The following ROBO1 variants were observed in gnomAD, a reference collection of about 807,000 sequenced individuals.
ROBO1 encodes roundabout guidance receptor 1, also known as roundabout homolog 1.
A neutral mutation model predicts 195.9 loss-of-function variants in ROBO1; 149 were observed. The ratio of observed to expected loss-of-function variants is 0.76; its 90% CI spans 0.67 to 0.87. ROBO1 has a LOEUF of 0.87. Ranked by LOEUF, ROBO1 falls within the 40% of genes least tolerant of loss-of-function variation. The pLI, the probability that ROBO1 is intolerant of heterozygous loss-of-function variation, is 0.00. For synonymous variants in ROBO1, 816 were observed against 733.2 expected (o/e 1.11, Z -1.82); for missense variants, 1,933 against 2,068.3 (o/e 0.93, Z 1.27).
At chr3:78,738,404 G>A (rs1285886944) in intron 5 of ROBO1, among the ~76,000 whole-genome samples, 1 of 152,060 alleles carries the variant, frequency 6.6e-6, no homozygotes, top group Non-Finnish European at 1.5e-5. Flanking sequence ...TGGTTTATTG[G>A]TTTTGTTTTG....
chr3:79,637,866 G>A (rs1043348597), intron 1 of ROBO1, among the ~76,000 whole-genome samples: 21 of 152,240 alleles, frequency 1.4e-4, no homozygotes, highest in African/African-American at 4.8e-4. Flanking sequence ...AAATAGTCCA[G>A]TAGTCCTCTA....
intron 1 of ROBO1, among the ~76,000 whole-genome samples, chr3:79,704,159 G>A (rs1263190540): frequency 6.6e-6 from 1 of 151,868 alleles, no homozygotes; most frequent in Non-Finnish European, 1.5e-5. Context: ...CCTCCCGGAT[G>A]ATCAACATTC....
At chr3:78,681,594 A>T (rs1250900241) in intron 10 of ROBO1, among the ~76,000 whole-genome samples, 1 of 152,186 alleles carries the variant, frequency 6.6e-6, no homozygotes, top group Non-Finnish European at 1.5e-5. Flanking sequence ...TGGTGGAAAC[A>T]ACGTGCAGAA....
intron 2 of ROBO1, among the ~76,000 whole-genome samples, chr3:79,450,175 C>A (rs559029343): frequency 6.7e-6 from 1 of 150,210 alleles, no homozygotes; most frequent in African/African-American, 2.4e-5. Flanking sequence ...TCAATACAGA[C>A]CAACCTAAGC....
chr3:79,156,634 T>A (rs1457285377), intron 2 of ROBO1, among the ~76,000 whole-genome samples: 2 of 151,802 alleles, frequency 1.3e-5, no homozygotes, highest in Non-Finnish European at 1.5e-5. Context: ...TTTTGAGCAA[T>A]ACTTTAAGGG....
intron 2 of ROBO1, among the ~76,000 whole-genome samples, chr3:79,379,871 G>A (rs552715570): frequency 2.6e-5 from 4 of 152,316 alleles, no homozygotes; most frequent in African/African-American, 9.6e-5. Flanking sequence ...CACCAGGGGT[G>A]AGTTCTGTAA....
At chr3:79,565,158 T>A (rs891864329) in intron 2 of ROBO1, among the ~76,000 whole-genome samples, 59 of 152,068 alleles carry the variant, frequency 3.9e-4, no homozygotes, top group Admixed American at 8.5e-4. Flanking sequence ...TTGCTAATGG[T>A]AGAAAAAAGC....
At chr3:78,925,468 C>T (rs996320307) in intron 4 of ROBO1, among the ~76,000 whole-genome samples, 19 of 151,996 alleles carry the variant, frequency 1.3e-4, no homozygotes, top group African/African-American at 4.1e-4. Flanking sequence ...GGCATAAGGC[C>T]GAGCAGGTAT....
chr3:78,736,898 G>A (rs530384722), intron 5 of ROBO1, among the ~76,000 whole-genome samples: 66 of 152,246 alleles, frequency 4.3e-4, no homozygotes, highest in African/African-American at 1.6e-3. Context: ...TCCTTGAGAA[G>A]AGAAACCAGC....
At chr3:78,635,718 G>A (rs896338122) in intron 23 of ROBO1, 55 bp downstream of exon 23, 33 of 1,404,634 alleles carry the variant, frequency 2.3e-5, no homozygotes, top group Non-Finnish European at 3.0e-5. Context: ...ACATCTAGTC[G>A]AGGTGCTGAG....
chr3:78,985,823 T>C (rs537739161), intron 3 of ROBO1, among the ~76,000 whole-genome samples: 1 of 152,240 alleles, frequency 6.6e-6, no homozygotes, highest in East Asian at 1.9e-4. Context: ...GGCTCGAAAT[T>C]CAAACAAAGC....
chr3:78,717,519 G>A, intron 6 of ROBO1, 106 bp from the exon 7 acceptor site: 1 of 1,088,698 alleles, frequency 9.2e-7, no homozygotes, highest in Non-Finnish European at 1.3e-6. Context: ...ATATCAGCGA[G>A]GAAATTATTC....
At chr3:78,926,003 T>C (rs147742135) in intron 4 of ROBO1, among the ~76,000 whole-genome samples, 3,096 of 152,156 alleles carry the variant, frequency 0.02, 71 homozygotes, top group Middle Eastern at 0.13. Flanking sequence ...CCCCAGTAGC[T>C]GCCACTCCAG....
intron 1 of ROBO1, among the ~76,000 whole-genome samples, chr3:79,679,173 T>C (rs1230804891): frequency 6.6e-6 from 1 of 152,024 alleles, no homozygotes; most frequent in Non-Finnish European, 1.5e-5. Flanking sequence ...TATGTGTTTG[T>C]ATGTGTGTGA....
chr3:79,385,943 A>C (rs180890774), intron 2 of ROBO1, among the ~76,000 whole-genome samples: 1 of 152,164 alleles, frequency 6.6e-6, no homozygotes, highest in East Asian at 1.9e-4. Context: ...TTTTCTCTTG[A>C]AAAACATTGA....
At chr3:78,808,603 A>C (rs2108613662) in intron 4 of ROBO1, among the ~76,000 whole-genome samples, 1 of 152,348 alleles carries the variant, frequency 6.6e-6, no homozygotes, top group Non-Finnish European at 1.5e-5. Flanking sequence ...ATATGGAAAT[A>C]ACCAAAGCAA....
At chr3:79,129,656 A>C (rs2080288206) in intron 2 of ROBO1, among the ~76,000 whole-genome samples, 1 of 152,180 alleles carries the variant, frequency 6.6e-6, no homozygotes, top group Non-Finnish European at 1.5e-5. Flanking sequence ...AATTAAGTAC[A>C]ACATGATGTT....
intron 1 of ROBO1, among the ~76,000 whole-genome samples, chr3:79,741,980 A>G (rs1181425200): frequency 1.3e-5 from 2 of 152,224 alleles, no homozygotes; most frequent in Non-Finnish European, 2.9e-5. Flanking sequence ...TCTAAGCAGC[A>G]GAGTGTTCAA....
chr3:79,348,116 C>G (rs1232726412), intron 2 of ROBO1, among the ~76,000 whole-genome samples: 1 of 149,484 alleles, frequency 6.7e-6, no homozygotes, highest in African/African-American at 2.5e-5. Flanking sequence ...GAGGCTGAGA[C>G]AGGCAGATTG....
Sources: gnomAD v4.1 joint callset for allele counts (sites outside exome capture counted in the v4.1 genomes callset) on GRCh38, gnomAD v4.1.1 for gene constraint, MANE v1.5 for transcripts, NCBI Gene and HGNC (gene_info 2026-07-23, HGNC 2026-07-21) for gene names.